The following ITIH5 variants were observed in gnomAD, a reference collection of about 807,000 sequenced individuals.
The protein encoded by ITIH5 is inter-alpha-trypsin inhibitor heavy chain 5.
ITIH5 carries 65 observed loss-of-function variants against 77.5 expected under a neutral mutation model. That is an observed-to-expected ratio of 0.84 (90% CI 0.69 to 1.03). The LOEUF is 1.03. Among genes scored for constraint, ITIH5 ranks in the 50% least tolerant of loss-of-function variants. ITIH5 has a pLI of 0.00. For synonymous variants in ITIH5, 525 were observed against 494.3 expected (o/e 1.06, Z -0.82); for missense variants, 1,208 against 1,213.1 (o/e 1.00, Z 0.06).
At chr10:7,601,825 CT>C (rs2131007828) in intron 7 of ITIH5, among the ~76,000 whole-genome samples, 1 of 152,230 alleles carries the variant, frequency 6.6e-6, no homozygotes, top group South Asian at 2.1e-4. Context: ...ACTTTTCCTC[CT>C]ACCAAATCTG....
intron 1 of ITIH5, 50 bp from the exon 2 acceptor site, chr10:7,655,725 A>C: frequency 7.2e-7 from 1 of 1,393,662 alleles, no homozygotes; most frequent in South Asian, 1.2e-5. Context: ...AAGAGAAGAG[A>C]CATGAAATAT....
intron 8 of ITIH5, among the ~76,000 whole-genome samples, chr10:7,581,939 G>A (rs1252953292): frequency 1.4e-5 from 2 of 143,384 alleles, no homozygotes; most frequent in Admixed American, 7.2e-5. Context: ...GCAGTGGCGT[G>A]ATCTTGGCTC....
intron 5 of ITIH5, among the ~76,000 whole-genome samples, chr10:7,635,245 G>C (rs1193297810): frequency 6.6e-6 from 1 of 152,230 alleles, no homozygotes; most frequent in Non-Finnish European, 1.5e-5. Flanking sequence ...ACAGAAAAAA[G>C]TCAATATAAT....
chr10:7,575,407 G>T (rs1336201409), intron 10 of ITIH5, among the ~76,000 whole-genome samples: 1 of 152,160 alleles, frequency 6.6e-6, no homozygotes, highest in Non-Finnish European at 1.5e-5. Flanking sequence ...GAATAAATGG[G>T]ACAGCATTGG....
At chr10:7,615,961 G>A (rs776107862) in intron 7 of ITIH5, 21 bp downstream of exon 7, 1 of 1,392,120 alleles carries the variant, frequency 7.2e-7, no homozygotes, top group Non-Finnish European at 1.0e-6. Context: ...AGGAATAAAT[G>A]GGCGGTTGGC....
At chr10:7,590,361 C>T (rs1445631109) in intron 7 of ITIH5, among the ~76,000 whole-genome samples, 1 of 152,120 alleles carries the variant, frequency 6.6e-6, no homozygotes, top group Non-Finnish European at 1.5e-5. Flanking sequence ...TTTCTTAATA[C>T]AAAAATATTA....
At chr10:7,572,726 T>A (rs1256334772) in intron 11 of ITIH5, 1 of 195,536 alleles carries the variant, frequency 5.1e-6, no homozygotes, top group East Asian at 1.4e-4. Flanking sequence ...CATTGCTGAA[T>A]GAGCTGGTAT....
At chr10:7,658,516 C>T (rs1465186391) in intron 1 of ITIH5, among the ~76,000 whole-genome samples, 2 of 152,132 alleles carry the variant, frequency 1.3e-5, no homozygotes, top group Non-Finnish European at 1.5e-5. Flanking sequence ...TGGCCCATGA[C>T]ACAGCCCTCA....
At chr10:7,578,018 A>C (rs879652791) in intron 9 of ITIH5, among the ~76,000 whole-genome samples, 1 of 152,176 alleles carries the variant, frequency 6.6e-6, no homozygotes, top group Non-Finnish European at 1.5e-5. Context: ...ACTTCTCAAT[A>C]TTTGCTTACA....
intron 7 of ITIH5, among the ~76,000 whole-genome samples, chr10:7,609,824 A>G (rs1242094604): frequency 1.3e-5 from 2 of 152,132 alleles, no homozygotes; most frequent in African/African-American, 2.4e-5. Context: ...TTGGTTGCCA[A>G]AGAGGGTCCC....
intron 2 of ITIH5, among the ~76,000 whole-genome samples, chr10:7,654,414 C>T (rs1452912114): frequency 6.6e-6 from 1 of 152,236 alleles, no homozygotes; most frequent in Non-Finnish European, 1.5e-5. Context: ...ATTACCTTTA[C>T]AAACGTATAG....
chr10:7,615,554 C>A (rs1833347032), intron 7 of ITIH5, among the ~76,000 whole-genome samples: 1 of 152,158 alleles, frequency 6.6e-6, no homozygotes, highest in Non-Finnish European at 1.5e-5. Context: ...TTTTAAGATT[C>A]ATCCTAAATT....
chr10:7,585,514 C>T lies in ITIH5; in HGVS notation c.1108+387G>A, dbSNP rs531671960. Among the ~76,000 whole-genome samples the T allele has an allele frequency of 8.8e-4, 134 of 152,312 alleles. 1 individual carries two copies. Among genetic ancestry groups the T allele is most frequent in the Non-Finnish European group, 4.9e-4 (33 of 68,032 alleles). On this transcript the variant is annotated intron_variant, in intron 8 of 13. Transcript: ENST00000397146. ...TTGTTTTGCAAAGCAGTTCCACCTG[C>T]CCCTGCCCAAGGTGCGCACGAAACA...
intron 5 of ITIH5, among the ~76,000 whole-genome samples, chr10:7,634,812 C>T (rs1284668187): frequency 6.6e-6 from 1 of 152,178 alleles, no homozygotes; most frequent in Non-Finnish European, 1.5e-5. Flanking sequence ...AGATACTCTA[C>T]CCTCCTTACG....
At position 7,569,724 on chromosome 10, in the gene ITIH5, T is replaced by C. The variant is rs201323127; in HGVS notation, c.2093A>G (p.Asn698Ser). ...FPLSRLTVCF[N>S]IDGQPGDILR... ...GATGTCCCCGGGCTGCCCATCAATG[T>C]TGAAGCACACGGTGAGTCTGCTCAG... The change falls in exon 12 of 14, where the codon AAC becomes AGC. Residue 698 changes from asparagine to serine, a missense_variant. Physicochemically the swap from Asn to Ser is conservative, Grantham distance 46. Coordinates refer to ENST00000397146, the MANE Select transcript of ITIH5 (RefSeq NM_030569.7). The C allele has an allele frequency of 1.4e-5, 22 of 1,613,250 alleles. No homozygotes were observed. Among genetic ancestry groups the C allele is most frequent in the Non-Finnish European group, 1.9e-5 (22 of 1,179,744 alleles).
At chr10:7,658,089 C>T (rs1254156995) in intron 1 of ITIH5, among the ~76,000 whole-genome samples, 3 of 152,208 alleles carry the variant, frequency 2.0e-5, no homozygotes, top group South Asian at 4.1e-4. Context: ...TAACAAAACA[C>T]TATATGTAAC....
At chr10:7,603,186 A>G (rs1330929247) in intron 7 of ITIH5, among the ~76,000 whole-genome samples, 1 of 152,210 alleles carries the variant, frequency 6.6e-6, no homozygotes, top group Non-Finnish European at 1.5e-5. Context: ...CGCGTGGTAT[A>G]TCCATCTAAT....
At position 7,560,469 on chromosome 10, in the gene ITIH5, C is replaced by T. The variant is rs1321512373; in HGVS notation, c.*2614G>A. ...GGCCTCCTCAGCACAGCTGTGGCAC[C>T]GAGGGAATCTTGTGATGGTTTCTCC... On this transcript the variant is annotated 3_prime_UTR_variant, in exon 14 of 14. Transcript: ENST00000397146. The T allele has an allele frequency of 6.6e-6, 1 of 152,210 alleles. No individual in the cohort carries two copies. The highest frequency in any genetic ancestry group is 2.4e-5 in the African/African-American group (1 of 41,456). The allele number at this position is 152,210 out of a possible 1,614,324, so 9.4% of individuals were successfully genotyped here. A position where few individuals can be genotyped will look rare whatever the true frequency, so the allele number is the denominator to read the frequency against.
At position 7,637,247 on chromosome 10, in the gene ITIH5, C is replaced by G; in HGVS notation, c.633G>C (p.Arg211Ser). Residue 211 changes from arginine (R) to serine (S), a missense_variant, in exon 5 of 14, where the codon AGG (arginine) becomes AGC (serine). Arg to Ser is a moderately radical substitution (Grantham distance 110, BLOSUM62 -1). Coordinates refer to ENST00000397146, the MANE Select transcript of ITIH5 (RefSeq NM_030569.7). ...ACTCACCTTCCCCGCGCCCACTGCC[C>G]CTCTGCCTGCTGTTGTGAAGCGGCA... The part of the protein sequence containing the change: ...EVLPLHNSRQ[R>S]GSGRGEDDSG... 2 of 1,609,570 alleles carry G rather than the reference C, an allele frequency of 1.2e-6. No homozygotes were observed.
Sources: allele counts gnomAD v4.1 joint callset (sites outside exome capture counted in the v4.1 genomes callset), GRCh38; gene constraint gnomAD v4.1.1; transcripts MANE v1.5; gene names NCBI Gene and HGNC (gene_info 2026-07-23, HGNC 2026-07-21).